The following DENND11 variants were observed in gnomAD, a reference collection of about 807,000 sequenced individuals.
DENND11 encodes the protein DENN domain-containing protein 11.
In DENND11, 34 loss-of-function variants were observed where a neutral mutation model predicts 49.2. The ratio of observed to expected loss-of-function variants is 0.69; its 90% CI spans 0.53 to 0.92. The LOEUF is 0.92. DENND11 is among the 40% of genes least tolerant of loss of function. The probability of loss-of-function intolerance (pLI) is 0.00; values close to 1 mark genes in which losing one functional copy is unlikely to be tolerated. For synonymous variants in DENND11, 238 were observed against 230.3 expected (o/e 1.03, Z -0.30); for missense variants, 475 against 581.6 (o/e 0.82, Z 1.88).
At chr7:141,666,687 G>A (rs1031113524) in intron 4 of DENND11, among the ~76,000 whole-genome samples, 6 of 152,034 alleles carry the variant, frequency 3.9e-5, no homozygotes, top group African/African-American at 1.5e-4. Context: ...ACAATGCAAA[G>A]GAAACAAAGC....
intron 3 of DENND11, among the ~76,000 whole-genome samples, chr7:141,684,832 T>A (rs1798206964): frequency 6.6e-6 from 1 of 151,482 alleles, no homozygotes; most frequent in Admixed American, 6.6e-5. Flanking sequence ...GTTACCTGCA[T>A]GATGAAAAAA....
rs920711914 is a variant in DENND11 at position 141,688,330 on chromosome 7, A to C, written c.269-1672T>G. On this transcript the variant is annotated intron_variant, in intron 1 of 8. Coordinates refer to ENST00000536163, the MANE Select transcript of DENND11 (RefSeq NM_001080392.2). ...AAACCATCAATGATCCCAGCCAAAC[A>C]ACGCTTTCAGATAATTGTTCAGGGC... Among the ~76,000 whole-genome samples the C allele has an allele frequency of 7.9e-5, 12 of 152,222 alleles. 1 individual carries two copies. The highest frequency in any genetic ancestry group is 2.9e-4 in the African/African-American group (12 of 41,462).
intron 1 of DENND11, 176 bp downstream of exon 1, chr7:141,701,710 A>T (rs1798521930): frequency 7.5e-6 from 3 of 400,690 alleles, no homozygotes; most frequent in Non-Finnish European, 1.1e-5. Context: ...CGAGGGAGAG[A>T]GCTGAGGACT....
intron 8 of DENND11, 33 bp downstream of exon 8, chr7:141,664,139 G>A: frequency 2.6e-6 from 4 of 1,528,988 alleles, no homozygotes; most frequent in Non-Finnish European, 3.6e-6. Flanking sequence ...GGGATCCTCA[G>A]GGAGACTCCA....
chr7:141,688,519 G>A (rs931873240), intron 1 of DENND11, among the ~76,000 whole-genome samples: 3 of 152,188 alleles, frequency 2.0e-5, no homozygotes, highest in Non-Finnish European at 2.9e-5. Flanking sequence ...CATGAAAAAG[G>A]AATTAAGAGT....
intron 4 of DENND11, among the ~76,000 whole-genome samples, chr7:141,671,404 C>A (rs1013523435): frequency 2.2e-4 from 34 of 152,168 alleles, no homozygotes; most frequent in Non-Finnish European, 5.0e-4. Context: ...CTCAAACTCT[C>A]GACCTCAAGT....
At chr7:141,678,113 T>A (rs1225544892) in intron 3 of DENND11, among the ~76,000 whole-genome samples, 2 of 152,016 alleles carry the variant, frequency 1.3e-5, no homozygotes, top group Non-Finnish European at 2.9e-5. Context: ...AGGTGCACAC[T>A]GCCACGCCCA....
Position 141,662,533 on chromosome 7 carries a change from G to T in DENND11, c.*123C>A. The T allele has an allele frequency of 1.7e-6, 1 of 595,020 alleles. No individual in the cohort carries two copies. The allele number at this position is 595,020 out of a possible 1,614,324, so 36.9% of individuals were successfully genotyped here. A position where few individuals can be genotyped will look rare whatever the true frequency, so the allele number is the denominator to read the frequency against. Reference sequence around the variant, plus strand: ...GGAAATTGCAAAAATTATGTTTGTTGGAAAGTATAAACAATATTCCTTTGT... The same window carrying T: ...GGAAATTGCAAAAATTATGTTTGTTTGAAAGTATAAACAATATTCCTTTGT... On this transcript the variant is annotated 3_prime_UTR_variant, in exon 9 of 9. Coordinates refer to ENST00000536163, the MANE Select transcript of DENND11 (RefSeq NM_001080392.2).
At chr7:141,668,765 G>T (rs954115196) in intron 4 of DENND11, among the ~76,000 whole-genome samples, 13 of 152,228 alleles carry the variant, frequency 8.5e-5, no homozygotes, top group African/African-American at 1.2e-4. Flanking sequence ...TTCTAAAAGG[G>T]TCAGCTCTAG....
chr7:141,697,018 A>C (rs1798424447), intron 1 of DENND11, among the ~76,000 whole-genome samples: 1 of 152,224 alleles, frequency 6.6e-6, no homozygotes, highest in Admixed American at 6.5e-5. Flanking sequence ...CAATGCATTC[A>C]CTTTACAAAG....
chr7:141,684,649 G>A (rs1584720889), intron 3 of DENND11, among the ~76,000 whole-genome samples: 1 of 152,048 alleles, frequency 6.6e-6, no homozygotes, highest in African/African-American at 2.4e-5. Flanking sequence ...GCATAAAAAT[G>A]TTTACGTAGT....
At chr7:141,695,646 C>T (rs1467291678) in intron 1 of DENND11, among the ~76,000 whole-genome samples, 1 of 152,206 alleles carries the variant, frequency 6.6e-6, no homozygotes, top group Non-Finnish European at 1.5e-5. Flanking sequence ...TTCCAGATAT[C>T]CTCACTGTAT....
chr7:141,683,624 C>A (rs1472653914), intron 3 of DENND11, among the ~76,000 whole-genome samples: 1 of 152,164 alleles, frequency 6.6e-6, no homozygotes, highest in Non-Finnish European at 1.5e-5. Context: ...GCCTGGGCGA[C>A]AGAGTGAGAC....
At chr7:141,669,809 A>ATT (rs72053527) in intron 4 of DENND11, among the ~76,000 whole-genome samples, 4,935 of 116,230 alleles carry the variant, frequency 0.042, 401 homozygotes, top group East Asian at 0.21. Flanking sequence ...CATACATGCT[A>ATT]TTTTTTTTTT....
At chr7:141,685,945 T>C (rs964081018) in intron 2 of DENND11, among the ~76,000 whole-genome samples, 2 of 152,142 alleles carry the variant, frequency 1.3e-5, no homozygotes, top group East Asian at 1.9e-4. Context: ...AGAACCAACA[T>C]TCCTCTTCAG....
intron 1 of DENND11, among the ~76,000 whole-genome samples, chr7:141,688,411 G>A (rs944628010): frequency 1.5e-4 from 23 of 152,122 alleles, no homozygotes; most frequent in Admixed American, 1.2e-3. Flanking sequence ...GAGCATTGTC[G>A]AATCTCACAC....
intron 4 of DENND11, among the ~76,000 whole-genome samples, chr7:141,671,388 G>A (rs1797977025): frequency 6.6e-6 from 1 of 152,196 alleles, no homozygotes; most frequent in South Asian, 2.1e-4. Flanking sequence ...TGTTGGCCAG[G>A]CTGGTCTCAA....
At chr7:141,689,910 G>A (rs1266859956) in intron 1 of DENND11, among the ~76,000 whole-genome samples, 1 of 152,214 alleles carries the variant, frequency 6.6e-6, no homozygotes, top group Non-Finnish European at 1.5e-5. Flanking sequence ...CTTAACTGGT[G>A]ATGCACATTT....
At chr7:141,669,061 G>A (rs1416217888) in intron 4 of DENND11, among the ~76,000 whole-genome samples, 1 of 152,042 alleles carries the variant, frequency 6.6e-6, no homozygotes, top group Non-Finnish European at 1.5e-5. Context: ...CACTCCCGGG[G>A]CCCAGCCCCC....
Sources: gnomAD v4.1 joint callset for allele counts (sites outside exome capture counted in the v4.1 genomes callset) on GRCh38, gnomAD v4.1.1 for gene constraint, MANE v1.5 for transcripts, NCBI Gene and HGNC (gene_info 2026-07-23, HGNC 2026-07-21) for gene names.